PHF5A: variants seen among roughly 807,000 people sequenced by gnomAD.
The protein encoded by PHF5A is PHD finger protein 5A, also known as PHD finger-like domain-containing protein 5A.
For synonymous variants in PHF5A, 52 were observed against 46.0 expected, an observed-to-expected ratio of 1.13 and a Z score of -0.52; for missense variants, 24 against 140.6, an observed-to-expected ratio of 0.17 and a Z score of 4.19.
At position 41,460,501 on chromosome 22, in the gene PHF5A, C is replaced by G. The variant is rs1198167876; in HGVS notation, c.244-14G>C. 1.3e-6 allele frequency: 2 copies of G among 1,585,376 alleles called. No homozygotes were observed. ...GCAGCCATCTCTCTGGAAAACAGAACAGAGAAGTTGTTAAGTCTTTGAGCC... is the reference window on the plus strand; with the variant it reads ...GCAGCCATCTCTCTGGAAAACAGAAGAGAGAAGTTGTTAAGTCTTTGAGCC... On this transcript the variant is annotated splice_polypyrimidine_tract_variant and intron_variant, in intron 3 of 3. Transcript: ENST00000216252.
chr22:41,466,269 T>C (rs1468029993), intron 3 of PHF5A, among the ~76,000 whole-genome samples: 1 of 152,182 alleles, frequency 6.6e-6, no homozygotes, highest in Non-Finnish European at 1.5e-5. Context: ...AAATCTTGCC[T>C]GTAGCACTAG....
intron 3 of PHF5A, among the ~76,000 whole-genome samples, chr22:41,464,162 G>A (rs2037848105): frequency 6.6e-6 from 1 of 152,198 alleles, no homozygotes; most frequent in Non-Finnish European, 1.5e-5. Flanking sequence ...AGATTAAGGG[G>A]ATTACATGAT....
At chr22:41,461,931 G>A (rs573873952) in intron 3 of PHF5A, among the ~76,000 whole-genome samples, 1 of 152,322 alleles carries the variant, frequency 6.6e-6, no homozygotes, top group South Asian at 2.1e-4. Flanking sequence ...AAAGTGATGG[G>A]ATTTCAGGCG....
At chr22:41,468,087 G>T in intron 2 of PHF5A, 37 bp downstream of exon 2, 1 of 1,612,120 alleles carries the variant, frequency 6.2e-7, no homozygotes, top group Non-Finnish European at 8.5e-7. Flanking sequence ...ACTGGGAGTG[G>T]GAAGGGTGGG....
intron 3 of PHF5A, among the ~76,000 whole-genome samples, chr22:41,460,856 C>T (rs190395032): frequency 2.5e-4 from 38 of 152,230 alleles, no homozygotes; most frequent in Admixed American, 2.2e-3. Flanking sequence ...ACTGTTTCTT[C>T]CCTATCTCTT....
At chr22:41,463,033 C>G (rs979483718) in intron 3 of PHF5A, among the ~76,000 whole-genome samples, 6 of 151,836 alleles carry the variant, frequency 4.0e-5, no homozygotes, top group African/African-American at 1.5e-4. Flanking sequence ...ACCACCGCAC[C>G]CAGCTGGTTT....
intron 3 of PHF5A, among the ~76,000 whole-genome samples, chr22:41,466,740 C>A (rs58787087): frequency 0.012 from 1,782 of 152,244 alleles, 38 homozygotes; most frequent in African/African-American, 0.041. Context: ...CCTGTAATCC[C>A]AGCACTTGGT....
chr22:41,468,225 G>A (rs1042861767), intron 1 of PHF5A, 78 bp from the exon 2 acceptor site: 6 of 1,449,214 alleles, frequency 4.1e-6, no homozygotes, highest in Non-Finnish European at 3.9e-6. Flanking sequence ...CTCGAGCTGG[G>A]GGTAGGGACA....
chr22:41,461,921 A>G (rs1004283593), intron 3 of PHF5A, among the ~76,000 whole-genome samples: 13 of 152,160 alleles, frequency 8.5e-5, no homozygotes, highest in African/African-American at 3.1e-4. Context: ...TCGGCCTCCT[A>G]AAGTGATGGG....
intron 1 of PHF5A, 101 bp from the exon 2 acceptor site, chr22:41,468,248 G>A (rs2037888621): frequency 4.4e-6 from 5 of 1,147,924 alleles, no homozygotes; most frequent in South Asian, 2.6e-5. Flanking sequence ...AGTAAGGACT[G>A]CAGTGAGTGA....
Position 41,468,546 on chromosome 22 carries a change from C to A in PHF5A, c.52+56G>T, listed in dbSNP as rs1248563403. ...AAGGAAGAGACGGGAACCCCCGACC[C>A]CCCAGCTCCTAATACCACCCCTGCC... is the stretch of plus-strand genomic sequence containing the variant. On this transcript the variant is annotated intron_variant, in intron 1 of 3. Coordinates refer to ENST00000216252, the MANE Select transcript of PHF5A (RefSeq NM_032758.4). 3.2e-6 allele frequency: 5 copies of A among 1,587,154 alleles called. No homozygotes were observed. The East Asian group carries it at 8.9e-5, about 28-fold the overall frequency.
At chr22:41,467,741 C>T in intron 2 of PHF5A, 127 bp from the exon 3 acceptor site, 1 of 1,131,592 alleles carries the variant, frequency 8.8e-7, no homozygotes, top group Non-Finnish European at 1.3e-6. Context: ...TTAGGGCCCT[C>T]CTCTTGGCAT....
At position 41,463,894 on chromosome 22, in the gene PHF5A, CA is replaced by C. The variant is rs968281024; in HGVS notation, c.244-3408del. On this transcript the variant is annotated intron_variant, in intron 3 of 3. Coordinates refer to ENST00000216252, the MANE Select transcript of PHF5A (RefSeq NM_032758.4). ...GAGTGACAAGAAAGAAACTGCGTCT[CA>C]AAAAAAAAAAGAGTCAGACCACCTA... Among the ~76,000 whole-genome samples the C allele has an allele frequency of 8.4e-4, 121 of 144,088 alleles. 1 individual carries two copies. The highest frequency in any genetic ancestry group is 1.5e-3 in the African/African-American group (59 of 39,434). 94.5% of individuals were successfully genotyped at this position (144,088 alleles called of 152,430 possible). A position where few individuals can be genotyped will look rare whatever the true frequency, so the allele number is the denominator to read the frequency against.
At position 41,468,611 on chromosome 22, in the gene PHF5A, C is replaced by A; in HGVS notation, c.43G>T (p.Ala15Ser). 1 of 1,614,138 alleles carries A rather than the reference C, an allele frequency of 6.2e-7. No homozygotes were observed. Among genetic ancestry groups the A allele is most frequent in the Non-Finnish European group, 8.5e-7 (1 of 1,180,040 alleles). ...HPDLIFCRKQ[A>S]GVAIGRLCEK... ...TAGGGCGCAGTCTCACCAACACCAG[C>A]CTGCTTGCGGCAAAAGATCAAATCA... The change falls in exon 1 of 4, where the codon GCT becomes TCT. Residue 15 changes from alanine (A) to serine (S), a missense_variant. Ala to Ser is a moderately conservative substitution (Grantham distance 99). Transcript: ENST00000216252.
At chr22:41,468,299 G>A in intron 1 of PHF5A, 152 bp from the exon 2 acceptor site, 1 of 748,260 alleles carries the variant, frequency 1.3e-6, no homozygotes, top group Non-Finnish European at 2.2e-6. Flanking sequence ...ATTTCCATAT[G>A]AACCAAACCT....
chr22:41,462,870 GTTAGC>G (rs1474398746), intron 3 of PHF5A, among the ~76,000 whole-genome samples: 8 of 151,376 alleles, frequency 5.3e-5, no homozygotes, highest in Non-Finnish European at 1.0e-4. Context: ...TTACTTACGG[GTTAGC>G]TTTTTTTTTT....
intron 3 of PHF5A, among the ~76,000 whole-genome samples, chr22:41,461,734 C>T (rs1273284310): frequency 1.3e-5 from 2 of 152,054 alleles, no homozygotes; most frequent in African/African-American, 2.4e-5. Context: ...ATGATCTCGG[C>T]TCACTGCAAC....
chr22:41,461,810 C>A (rs1330759844), intron 3 of PHF5A, among the ~76,000 whole-genome samples: 3 of 151,958 alleles, frequency 2.0e-5, no homozygotes, highest in Non-Finnish European at 2.9e-5. Context: ...GTACATGCAC[C>A]CGCGACCATG....
intron 3 of PHF5A, among the ~76,000 whole-genome samples, chr22:41,460,879 A>C (rs2146058763): frequency 6.6e-6 from 1 of 152,268 alleles, no homozygotes; most frequent in African/African-American, 2.4e-5. Context: ...CACTTATGAA[A>C]GATCATTTAT....
Sources: allele counts gnomAD v4.1 joint callset (sites outside exome capture counted in the v4.1 genomes callset), GRCh38; gene constraint gnomAD v4.1.1; transcripts MANE v1.5; gene names NCBI Gene and HGNC (gene_info 2026-07-23, HGNC 2026-07-21).